Variants in VSTM5 observed in about 807,000 individuals in gnomAD.
VSTM5 encodes the protein V-set and transmembrane domain-containing protein 5.
A neutral mutation model predicts 20.3 loss-of-function variants in VSTM5; 21 were observed. The ratio of observed to expected loss-of-function variants is 1.03; its 90% CI spans 0.73 to 1.49. VSTM5 has a LOEUF of 1.49. Among genes scored for constraint, VSTM5 ranks in the 40% most tolerant of loss-of-function variants. VSTM5 has a pLI of 0.00. For synonymous variants in VSTM5, 100 were observed against 102.5 expected (o/e 0.98, Z 0.14); for missense variants, 219 against 250.0 (o/e 0.88, Z 0.84).
At chr11:93,821,652 G>T in intron 1 of VSTM5, 1 of 309,562 alleles carries the variant, frequency 3.2e-6, no homozygotes, top group Non-Finnish European at 6.0e-6. Context: ...TGATGCCCAA[G>T]GACTCTTCTC....
At chr11:93,825,196 C>A (rs1487185118) in intron 1 of VSTM5, among the ~76,000 whole-genome samples, 1 of 152,172 alleles carries the variant, frequency 6.6e-6, no homozygotes, top group Non-Finnish European at 1.5e-5. Flanking sequence ...GAGACAGGGT[C>A]TCCCTCTGCC....
intron 1 of VSTM5, among the ~76,000 whole-genome samples, chr11:93,849,449 G>A (rs1229444161): frequency 6.6e-6 from 1 of 152,324 alleles, no homozygotes; most frequent in East Asian, 1.9e-4. Context: ...GAGCCCCTGC[G>A]ATTGGCTTAT....
intron 1 of VSTM5, among the ~76,000 whole-genome samples, chr11:93,849,479 T>G (rs1001683428): frequency 6.6e-6 from 1 of 152,208 alleles, no homozygotes; most frequent in Non-Finnish European, 1.5e-5. Flanking sequence ...GTGCCTCAGT[T>G]TCCTCACTTG....
intron 2 of VSTM5, 22 bp downstream of exon 2, chr11:93,820,975 C>CAAA (rs1229650377): frequency 6.4e-7 from 1 of 1,550,774 alleles, no homozygotes; most frequent in South Asian, 1.2e-5. Context: ...AGAGGGGTGC[C>CAAA]CGGGGCCCTG....
chr11:93,825,957 C>T (rs1205934566), intron 1 of VSTM5, among the ~76,000 whole-genome samples: 1 of 151,802 alleles, frequency 6.6e-6, no homozygotes, highest in Non-Finnish European at 1.5e-5. Context: ...GAAATAAAGG[C>T]CAGGCTCAGT....
intron 1 of VSTM5, among the ~76,000 whole-genome samples, chr11:93,834,506 G>A (rs888756330): frequency 6.6e-6 from 1 of 152,154 alleles, no homozygotes; most frequent in Non-Finnish European, 1.5e-5. Context: ...GCCATGTGTG[G>A]TGGCTCATGC....
intron 1 of VSTM5, among the ~76,000 whole-genome samples, chr11:93,847,148 A>G (rs898888077): frequency 1.3e-5 from 2 of 152,144 alleles, no homozygotes; most frequent in African/African-American, 4.8e-5. Flanking sequence ...AATATTTTTT[A>G]TAAATCTGAA....
At chr11:93,838,891 C>G (rs533586539) in intron 1 of VSTM5, among the ~76,000 whole-genome samples, 1 of 152,334 alleles carries the variant, frequency 6.6e-6, no homozygotes, top group Non-Finnish European at 1.5e-5. Context: ...GATTCCAGAC[C>G]AAGAGAATTC....
chr11:93,826,589 C>CG (rs1379726426), intron 1 of VSTM5, among the ~76,000 whole-genome samples: 11 of 151,890 alleles, frequency 7.2e-5, no homozygotes, highest in Non-Finnish European at 1.5e-4. Flanking sequence ...TTAGTAGAGA[C>CG]GGGGTTTCAC....
chr11:93,844,838 G>A (rs1245756610), intron 1 of VSTM5, among the ~76,000 whole-genome samples: 4 of 132,706 alleles, frequency 3.0e-5, no homozygotes, highest in African/African-American at 5.4e-5. Flanking sequence ...GCAGGGCCCC[G>A]CTGCTACCCC....
chr11:93,840,998 C>A (rs538650339), intron 1 of VSTM5, among the ~76,000 whole-genome samples: 1 of 152,296 alleles, frequency 6.6e-6, no homozygotes, highest in East Asian at 1.9e-4. Context: ...GGGCAAGGAA[C>A]CTAAGGCCAA....
intron 1 of VSTM5, among the ~76,000 whole-genome samples, chr11:93,836,658 T>C (rs575421016): frequency 1.3e-5 from 2 of 152,372 alleles, no homozygotes; most frequent in South Asian, 2.1e-4. Context: ...TCTCTTCTTG[T>C]ATGTTTTCAT....
chr11:93,844,394 G>C (rs888733332), intron 1 of VSTM5, among the ~76,000 whole-genome samples: 2 of 152,092 alleles, frequency 1.3e-5, no homozygotes, highest in African/African-American at 4.8e-5. Context: ...CCCGTGCCTA[G>C]TGCTGAAGGA....
At position 93,821,409 on chromosome 11, in the gene VSTM5, A is replaced by AC. The variant is rs1309947081; in HGVS notation, c.92-87_92-86insG. On this transcript the variant is annotated intron_variant, in intron 1 of 3. Coordinates refer to ENST00000409977, the MANE Select transcript of VSTM5 (RefSeq NM_001144871.2). ...ATATAATTTGTTGATCTATTACACA[A>AC]ATATTTATTGTGTGCCTATTATATG... 3.2e-6 allele frequency: 4 copies of AC among 1,240,270 alleles called. No individual in the cohort carries two copies. In the African/African-American group the frequency reaches 6.0e-5, roughly 19 times the overall value. The allele number at this position is 1,240,270 out of a possible 1,614,324, so 76.8% of individuals were successfully genotyped here.
chr11:93,827,157 G>C (rs1565300136), intron 1 of VSTM5, among the ~76,000 whole-genome samples: 1 of 152,150 alleles, frequency 6.6e-6, no homozygotes, highest in South Asian at 2.1e-4. Context: ...GCCGAAGCGA[G>C]TGGATCACCT....
chr11:93,849,824 T>A lies in VSTM5; in HGVS notation c.91+588A>T, dbSNP rs369518175. ...GGCCATCCAAAGCAAATCTACTCAGTGCGCTGGTCGCGAGGACCACCTCCA... is the reference window on the plus strand; with the variant it reads ...GGCCATCCAAAGCAAATCTACTCAGAGCGCTGGTCGCGAGGACCACCTCCA... On this transcript the variant is annotated intron_variant, in intron 1 of 3. Coordinates refer to ENST00000409977, the MANE Select transcript of VSTM5 (RefSeq NM_001144871.2). Among the ~76,000 whole-genome samples the A allele has an allele frequency of 2.6e-5, 4 of 152,338 alleles. No homozygotes were observed. The East Asian group carries it at 7.7e-4, about 30-fold the overall frequency.
intron 1 of VSTM5, among the ~76,000 whole-genome samples, chr11:93,825,495 G>A (rs1368373871): frequency 6.6e-6 from 1 of 152,162 alleles, no homozygotes; most frequent in Non-Finnish European, 1.5e-5. Context: ...TCTGAAGAAT[G>A]CTATTGAAAT....
chr11:93,827,906 G>A (rs909186879), intron 1 of VSTM5, among the ~76,000 whole-genome samples: 3 of 151,886 alleles, frequency 2.0e-5, no homozygotes, highest in Non-Finnish European at 4.4e-5. Flanking sequence ...TATTATGTAC[G>A]GAAAAATGGA....
chr11:93,821,219 C>A lies in VSTM5; in HGVS notation c.196G>T (p.Glu66Ter). ...CCCCAATTGGATGAATATGTCCATT[C>A]GATGGTGGGCACTCCATGACAGGAG... ...EYSCHGVPTI[E>*]WTYSSNWGTQ... The change falls in exon 2 of 4, where the codon GAA becomes TAA. Residue 66 changes from glutamate to a stop codon, truncating the protein, a stop_gained. Coordinates refer to ENST00000409977, the MANE Select transcript of VSTM5 (RefSeq NM_001144871.2). LOFTEE classifies it high-confidence loss of function. The A allele has an allele frequency of 1.9e-6, 3 of 1,551,992 alleles. No homozygotes were observed. The highest frequency in any genetic ancestry group is 2.6e-6 in the Non-Finnish European group (3 of 1,147,074).
Sources: gnomAD v4.1 joint callset for allele counts (sites outside exome capture counted in the v4.1 genomes callset) on GRCh38, gnomAD v4.1.1 for gene constraint, MANE v1.5 for transcripts, NCBI Gene and HGNC (gene_info 2026-07-23, HGNC 2026-07-21) for gene names.